The following MAP1A variants were observed in gnomAD, a reference collection of about 807,000 sequenced individuals.
MAP1A encodes the protein microtubule associated protein 1A, also known as microtubule-associated protein 1A.
In MAP1A, 42 loss-of-function variants were observed where a neutral mutation model predicts 185.9. That is an observed-to-expected ratio of 0.23 (90% CI 0.18 to 0.29). MAP1A has a LOEUF of 0.29. Ranked by LOEUF, MAP1A falls within the 10% of genes least tolerant of loss-of-function variation. The pLI is 1.00. For missense variants in MAP1A, 2,995 were observed against 3,450.4 expected, an observed-to-expected ratio of 0.87 and a Z score of 3.31; for synonymous variants, 1,229 against 1,335.9, an observed-to-expected ratio of 0.92 and a Z score of 1.74.
rs773663386 is a variant in MAP1A at position 43,528,136 on chromosome 15, C to T, written c.6663C>T (p.Thr2221=). The change falls in exon 4 of 6, where the codon ACC becomes ACT. Residue 2221 remains threonine, a synonymous_variant. Transcript: ENST00000300231. ...RTRHDEYLEV[T]KAPSLDSSLP... ...GGCATGATGAATACCTGGAAGTGAC[C>T]AAGGCCCCCAGCCTGGATTCCTCAC... 4.3e-6 allele frequency: 7 copies of T among 1,613,988 alleles called. No individual in the cohort carries two copies. The African/African-American group carries it at 9.3e-5, about 22-fold the overall frequency.
chr15:43,527,870 A>T lies in MAP1A; in HGVS notation c.6397A>T (p.Met2133Leu). The change falls in exon 4 of 6, where the codon ATG (methionine) becomes TTG (leucine). Residue 2133 changes from methionine to leucine, a missense_variant. This residue lies in a region of MAP1A where 2,728 missense variants were observed against 2,986.0 expected (regional missense o/e 0.91). Coordinates refer to ENST00000300231, the MANE Select transcript of MAP1A (RefSeq NM_002373.6). ...QSPSPPHPIP[M>L]GSPTLWPETE... ...CCCAAGTCCTCCTCACCCCATTCCT[A>T]TGGGGTCCCCCACATTATGGCCAGA... 6.2e-7 allele frequency: 1 copy of T among 1,614,024 alleles called. No homozygotes were observed. Among genetic ancestry groups the T allele is most frequent in the Non-Finnish European group, 8.5e-7 (1 of 1,179,966 alleles).
chr15:43,517,607 C>T, upstream of MAP1A: 1 of 723,226 alleles, frequency 1.4e-6, no homozygotes, highest in Non-Finnish European at 1.7e-6. Flanking sequence ...CCGCCCGCCC[C>T]ACTCCCACCC....
chr15:43,523,224 G>T lies in MAP1A; in HGVS notation c.1751G>T (p.Gly584Val), dbSNP rs1253211970. The T allele has an allele frequency of 6.2e-7, 1 of 1,614,118 alleles. No individual in the cohort carries two copies. The highest frequency in any genetic ancestry group is 1.1e-5 in the South Asian group (1 of 91,074). The part of the protein sequence containing the change: ...QGTPPSVPGL[G>V]QEEHVMKEKE... Reference sequence around the variant, plus strand: ...ACACCACCCTCTGTTCCAGGGCTGGGACAAGAAGAACATGTGATGAAGGAG... The same window carrying T: ...ACACCACCCTCTGTTCCAGGGCTGGTACAAGAAGAACATGTGATGAAGGAG... Residue 584 changes from glycine to valine, a missense_variant, in exon 4 of 6, where the codon GGA (glycine) becomes GTA (valine). Coordinates refer to ENST00000300231, the MANE Select transcript of MAP1A (RefSeq NM_002373.6).
chr15:43,519,827 C>A (rs1309531388), intron 1 of MAP1A, among the ~76,000 whole-genome samples: 1 of 152,164 alleles, frequency 6.6e-6, no homozygotes, highest in African/African-American at 2.4e-5. Flanking sequence ...GTGGTAGAGG[C>A]CCCTAGGAGC....
Position 43,521,375 on chromosome 15 carries a change from G to C in MAP1A, c.-99G>C. 1.9e-6 allele frequency: 3 copies of C among 1,613,572 alleles called. 1 individual carries two copies. The South Asian group carries it at 3.3e-5, about 18-fold the overall frequency. ...CCCTGGGATACAGGCCTTCCTTACCGTGTCCTGCTTAGGGGAAGGTGATTG... is the reference window on the plus strand; with the variant it reads ...CCCTGGGATACAGGCCTTCCTTACCCTGTCCTGCTTAGGGGAAGGTGATTG... On this transcript the variant is annotated 5_prime_UTR_variant, in exon 4 of 6. Coordinates refer to ENST00000300231, the MANE Select transcript of MAP1A (RefSeq NM_002373.6). This position sits in a 1 kb window ranked among gnomAD's most constrained non-coding sequence, Gnocchi z 4.6.
rs1029014887 is a variant in MAP1A, at chr15:43,526,578, G to C, written c.5105G>C (p.Cys1702Ser). 1 of 1,614,198 alleles carries C rather than the reference G, an allele frequency of 6.2e-7. No individual in the cohort carries two copies. Residue 1702 changes from cysteine to serine, a missense_variant, in exon 4 of 6, where the codon TGT (cysteine) becomes TCT (serine). Coordinates refer to ENST00000300231, the MANE Select transcript of MAP1A (RefSeq NM_002373.6). This position sits in a 1 kb window ranked among gnomAD's most constrained non-coding sequence, Gnocchi z 4.7. ...EQDTYWRELS[C>S]ERKVWFPHEL... Reference sequence around the variant, plus strand: ...GACACATACTGGAGGGAGCTAAGCTGTGAGCGGAAGGTCTGGTTCCCTCAC... The same window carrying C: ...GACACATACTGGAGGGAGCTAAGCTCTGAGCGGAAGGTCTGGTTCCCTCAC...
exon 1 of MAP1A, chr15:43,511,120 G>A (rs905590040): frequency 1.3e-6 from 2 of 1,550,402 alleles, no homozygotes; most frequent in Admixed American, 3.9e-5. Context: ...CCGGAGCCGC[G>A]GTGGCGGCTG....
At chr15:43,518,344 G>T (rs1188126680) in intron 1 of MAP1A, among the ~76,000 whole-genome samples, 1 of 151,966 alleles carries the variant, frequency 6.6e-6, no homozygotes, top group Non-Finnish European at 1.5e-5. Context: ...GGCCACTCTG[G>T]AGACGGAGAA....
At position 43,529,016 on chromosome 15, in the gene MAP1A, G is replaced by A. The variant is rs774468265; in HGVS notation, c.7543G>A (p.Val2515Ile). ...DSGSSQSDSD[V>I]PPETEECPSI... ...AGGCTCCTCACAGTCAGATTCTGAT[G>A]TCCCGCCAGAAACTGAGGAGTGTCC... The change falls in exon 4 of 6, where the codon GTC becomes ATC. Residue 2515 changes from valine to isoleucine, a missense_variant. This residue lies in a region of MAP1A where 2,728 missense variants were observed against 2,986.0 expected (regional missense o/e 0.91). Coordinates refer to ENST00000300231, the MANE Select transcript of MAP1A (RefSeq NM_002373.6). The surrounding 1 kb of genome is among the most constrained non-coding windows in gnomAD (Gnocchi z 4.3). 6.2e-7 allele frequency: 1 copy of A among 1,613,762 alleles called. No homozygotes were observed. The highest frequency in any genetic ancestry group is 8.5e-7 in the Non-Finnish European group (1 of 1,180,012).
chr15:43,527,660 C>T lies in MAP1A; in HGVS notation c.6187C>T (p.Pro2063Ser), dbSNP rs201907047. 2 of 1,548,528 alleles carry T rather than the reference C, an allele frequency of 1.3e-6. No individual in the cohort carries two copies. The highest frequency in any genetic ancestry group is 1.4e-5 in the African/African-American group (1 of 72,816). The change falls in exon 4 of 6, where the codon CCC becomes TCC. Residue 2063 changes from proline (P) to serine (S), a missense_variant. By Grantham distance (74) the Pro-to-Ser change is moderately conservative. This residue lies in a region of MAP1A where 2,728 missense variants were observed against 2,986.0 expected (regional missense o/e 0.91). Transcript: ENST00000300231. ...MEPSLTPPAV[P>S]PRAPILSKGP... is the part of the protein sequence containing the mutation. ...GCCCAGCCTCACCCCACCTGCAGTT[C>T]CCCCCCGTGCTCCTATCCTGAGCAA...
In MAP1A at chr15:43,521,495, T is replaced by C; in HGVS notation, c.22T>C (p.Ser8Pro). The C allele has an allele frequency of 6.2e-7, 1 of 1,614,156 alleles. No individual in the cohort carries two copies. The highest frequency in any genetic ancestry group is 8.5e-7 in the Non-Finnish European group (1 of 1,180,026). The change falls in exon 4 of 6, where the codon TCC (serine) becomes CCC (proline). Residue 8 changes from serine (S) to proline (P), a missense_variant. Physicochemically the swap from Ser to Pro is moderately conservative, Grantham distance 74. This residue lies in a region of MAP1A where 264 missense variants were observed against 435.3 expected (regional missense o/e 0.61). Coordinates refer to ENST00000300231, the MANE Select transcript of MAP1A (RefSeq NM_002373.6). This position sits in a 1 kb window ranked among gnomAD's most constrained non-coding sequence, Gnocchi z 4.6. Reference protein sequence around the residue: MDGVAEFSEYVSETVDVP... With the variant: MDGVAEFPEYVSETVDVP... ...CACCATGGACGGCGTGGCTGAGTTC[T>C]CCGAGTATGTCTCTGAGACTGTGGA...
In MAP1A at chr15:43,521,483, G is replaced by A. The variant is rs1156807020; in HGVS notation, c.10G>A (p.Val4Met). The change falls in exon 4 of 6, where the codon GTG (valine) becomes ATG (methionine). Residue 4 changes from valine to methionine, a missense_variant. Coordinates refer to ENST00000300231, the MANE Select transcript of MAP1A (RefSeq NM_002373.6). The surrounding 1 kb of genome is among the most constrained non-coding windows in gnomAD (Gnocchi z 4.6). MDG[V>M]AEFSEYVSET... Reference sequence around the variant, plus strand: ...GCCCACTCTGCCCACCATGGACGGCGTGGCTGAGTTCTCCGAGTATGTCTC... The same window carrying A: ...GCCCACTCTGCCCACCATGGACGGCATGGCTGAGTTCTCCGAGTATGTCTC... 12 of 1,614,004 alleles carry A rather than the reference G, an allele frequency of 7.4e-6. No individual in the cohort carries two copies. Among genetic ancestry groups the A allele is most frequent in the South Asian group, 1.1e-5 (1 of 91,082 alleles).
At position 43,521,186 on chromosome 15, in the gene MAP1A, A is replaced by G; in HGVS notation, c.-151+74A>G. On this transcript the variant is annotated intron_variant, in intron 3 of 5. Transcript: ENST00000300231. The surrounding 1 kb of genome is among the most constrained non-coding windows in gnomAD (Gnocchi z 4.6). ...TGGGAGGGATCTAAGGGAAAGTCTC[A>G]TATTGCATGACCATGGGGGGCCCTG... 6.7e-7 allele frequency: 1 copy of G among 1,490,844 alleles called. No homozygotes were observed. The allele number at this position is 1,490,844 out of a possible 1,614,324, so 92.4% of individuals were successfully genotyped here.
In MAP1A at chr15:43,524,834, G is replaced by A. The variant is rs2079335732; in HGVS notation, c.3361G>A (p.Gly1121Ser). The A allele has an allele frequency of 1.9e-6, 3 of 1,614,008 alleles. No homozygotes were observed. Among genetic ancestry groups the A allele is most frequent in the South Asian group, 2.2e-5 (2 of 91,086 alleles). Residue 1121 changes from glycine (G) to serine (S), a missense_variant, in exon 4 of 6, where the codon GGT becomes AGT. Gly to Ser is a moderately conservative substitution (Grantham distance 56). Coordinates refer to ENST00000300231, the MANE Select transcript of MAP1A (RefSeq NM_002373.6). Reference sequence around the variant, plus strand: ...TCTGGGAGCAGAAGCCCTTCCCGGAGGTTTGAGGACTTTACCCCAAGAACC... The same window carrying A: ...TCTGGGAGCAGAAGCCCTTCCCGGAAGTTTGAGGACTTTACCCCAAGAACC... ...PILGAEALPG[G>S]LRTLPQEPGK...
chr15:43,520,779 C>G, intron 2 of MAP1A, 56 bp downstream of exon 2: 1 of 1,417,366 alleles, frequency 7.1e-7, no homozygotes, highest in Non-Finnish European at 9.7e-7. Flanking sequence ...CTATACCCAC[C>G]CTTGCCAGTG....
In MAP1A at chr15:43,526,111, G is replaced by C; in HGVS notation, c.4638G>C (p.Lys1546Asn). The C allele has an allele frequency of 1.2e-6, 2 of 1,614,092 alleles. No homozygotes were observed. Among genetic ancestry groups the C allele is most frequent in the Non-Finnish European group, 1.7e-6 (2 of 1,180,042 alleles). Reference sequence around the variant, plus strand: ...AACAAAAGGATAAAGTCTCAGAAAAGAAGGATCAGGCCTTAGAACAAAAAT... The same window carrying C: ...AACAAAAGGATAAAGTCTCAGAAAACAAGGATCAGGCCTTAGAACAAAAAT... ...AQEQKDKVSE[K>N]KDQALEQKYW... The change falls in exon 4 of 6, where the codon AAG becomes AAC. Residue 1546 changes from lysine (K) to asparagine (N), a missense_variant. Physicochemically the swap from Lys to Asn is moderately conservative, Grantham distance 94. This residue lies in a region of MAP1A where 2,728 missense variants were observed against 2,986.0 expected (regional missense o/e 0.91). Transcript: ENST00000300231. The surrounding 1 kb of genome is among the most constrained non-coding windows in gnomAD (Gnocchi z 4.7).
Position 43,524,310 on chromosome 15 carries a change from C to G in MAP1A, c.2837C>G (p.Ala946Gly). The G allele has an allele frequency of 2.5e-6, 4 of 1,614,196 alleles. No homozygotes were observed. Among genetic ancestry groups the G allele is most frequent in the Non-Finnish European group, 8.5e-7 (1 of 1,180,026 alleles). Residue 946 changes from alanine (A) to glycine (G), a missense_variant, in exon 4 of 6, where the codon GCA becomes GGA. Transcript: ENST00000300231. ...GTGGAAGAGGAAGAGGAGGAGACAG[C>G]AAACGTAGAGATGTCTGAGAAACTT... ...RAVEEEEEET[A>G]NVEMSEKLCS...
Position 43,530,722 on chromosome 15 carries a change from T to A in MAP1A, c.*498T>A. 1 of 167,740 alleles carries A rather than the reference T, an allele frequency of 6.0e-6. No individual in the cohort carries two copies. Among genetic ancestry groups the A allele is most frequent in the Non-Finnish European group, 1.3e-5 (1 of 76,054 alleles). 10.4% of individuals were successfully genotyped at this position (167,740 alleles called of 1,614,324 possible). ...CCTTTCCTCCATTTCCCATCCCCCA[T>A]CTCCTCAACCACCAGGGTCTGAGTT... On this transcript the variant is annotated 3_prime_UTR_variant, in exon 6 of 6. Transcript: ENST00000300231.
intron 1 of MAP1A, among the ~76,000 whole-genome samples, chr15:43,511,876 C>G (rs1247001502): frequency 6.6e-6 from 1 of 152,126 alleles, no homozygotes; most frequent in African/African-American, 2.4e-5. Flanking sequence ...GGGAATAGGC[C>G]CTTAGGTGTC....
Sources: gnomAD v4.1 joint callset for allele counts (sites outside exome capture counted in the v4.1 genomes callset) on GRCh38, gnomAD v4.1.1 for gene constraint, gnomAD v4.1.1 regional missense constraint, Gnocchi (gnomAD v3.1) non-coding constraint, MANE v1.5 for transcripts, NCBI Gene and HGNC (gene_info 2026-07-23, HGNC 2026-07-21) for gene names.